Variants in KCNMA1 observed in about 807,000 individuals in gnomAD.
KCNMA1 encodes Calcium-activated potassium channel subunit alpha-1.
Under a neutral mutation model 140.0 loss-of-function variants are expected in KCNMA1, and 29 were observed. The ratio of observed to expected loss-of-function variants is 0.21; its 90% CI spans 0.15 to 0.28. KCNMA1 has a LOEUF of 0.28. KCNMA1 is among the 10% of genes least tolerant of loss of function. The pLI is 1.00. For synonymous variants in KCNMA1, 612 were observed against 611.9 expected, an observed-to-expected ratio of 1.00 and a Z score of 0.00; for missense variants, 880 against 1,602.2, an observed-to-expected ratio of 0.55 and a Z score of 7.70.
intron 1 of KCNMA1, among the ~76,000 whole-genome samples, chr10:77,472,085 C>A (rs1350031296): frequency 6.6e-6 from 1 of 150,684 alleles, no homozygotes; most frequent in Non-Finnish European, 1.5e-5. Flanking sequence ...ACACATACCA[C>A]ACACACACAC....
At chr10:77,577,362 T>G (rs1174855392) in intron 1 of KCNMA1, among the ~76,000 whole-genome samples, 1 of 152,134 alleles carries the variant, frequency 6.6e-6, no homozygotes, top group Non-Finnish European at 1.5e-5. Flanking sequence ...CTCTCTTAAC[T>G]GCCATGTAGT....
chr10:76,887,335 G>A lies in KCNMA1; in HGVS notation c.3642C>T (p.Asn1214=). Residue 1214 remains asparagine (N), a synonymous_variant, in exon 28 of 28, where the codon AAC becomes AAT. Coordinates refer to ENST00000286628, the MANE Select transcript of KCNMA1 (RefSeq NM_001161352.2). ...CCCTGGACTTGGGCCGGTTCTGTCG[G>A]TTTGCTGTGGATGGGATGGAGTGAA... ...SSVHSIPSTA[N]RQNRPKSRES... 1 of 1,614,136 alleles carries A rather than the reference G, an allele frequency of 6.2e-7. No individual in the cohort carries two copies. The highest frequency in any genetic ancestry group is 1.3e-5 in the African/African-American group (1 of 75,046).
At chr10:77,631,952 C>G (rs2093267223) in intron 1 of KCNMA1, among the ~76,000 whole-genome samples, 1 of 152,186 alleles carries the variant, frequency 6.6e-6, no homozygotes, top group African/African-American at 2.4e-5. Context: ...AAAAAAACCA[C>G]CCCATGAGGC....
Position 77,311,595 on chromosome 10 carries a change from T to A in KCNMA1, c.541-60339A>T, listed in dbSNP as rs114644608. On this transcript the variant is annotated intron_variant, in intron 2 of 27. Transcript: ENST00000286628. ...ACTTTGTTTTTATCATTTAAAAAAATAAATAAATAAAAAAGATCAAGAGAT... is the reference window on the plus strand; with the variant it reads ...ACTTTGTTTTTATCATTTAAAAAAAAAAATAAATAAAAAAGATCAAGAGAT... Among the ~76,000 whole-genome samples the A allele has an allele frequency of 6.5e-3, 992 of 152,130 alleles. 8 individuals carry two copies. The highest frequency in any genetic ancestry group is 0.022 in the African/African-American group (931 of 41,498).
chr10:76,897,519 T>C (rs1040897680), intron 25 of KCNMA1, among the ~76,000 whole-genome samples: 1 of 152,064 alleles, frequency 6.6e-6, no homozygotes, highest in African/African-American at 2.4e-5. Context: ...AAATTGCCAA[T>C]AATTTGTGAA....
At chr10:76,926,770 C>T (rs1014998784) in intron 23 of KCNMA1, among the ~76,000 whole-genome samples, 8 of 152,178 alleles carry the variant, frequency 5.3e-5, no homozygotes, top group Admixed American at 5.2e-4. Context: ...CAGGAGCCCT[C>T]TCTTCCAGAA....
At chr10:77,297,735 C>T (rs1341258539) in intron 2 of KCNMA1, among the ~76,000 whole-genome samples, 1 of 152,176 alleles carries the variant, frequency 6.6e-6, no homozygotes, top group Admixed American at 6.5e-5. Context: ...AGATCAAAAC[C>T]ACCTCCTTCT....
At chr10:77,258,266 G>A (rs2061233931) in intron 2 of KCNMA1, among the ~76,000 whole-genome samples, 1 of 152,178 alleles carries the variant, frequency 6.6e-6, no homozygotes. Context: ...CCCTAAATCT[G>A]TATGCAGGAG....
At chr10:76,890,254 T>C (rs1362327798) in intron 26 of KCNMA1, among the ~76,000 whole-genome samples, 1 of 152,190 alleles carries the variant, frequency 6.6e-6, no homozygotes, top group Non-Finnish European at 1.5e-5. Flanking sequence ...ATGCATCCAC[T>C]TGGAAATGCT....
chr10:77,368,112 C>T (rs894693811), intron 2 of KCNMA1, among the ~76,000 whole-genome samples: 1 of 152,166 alleles, frequency 6.6e-6, no homozygotes. Flanking sequence ...TATAAGAAAA[C>T]TTCTAAACTG....
At chr10:77,338,590 A>G (rs1435674491) in intron 2 of KCNMA1, among the ~76,000 whole-genome samples, 1 of 152,120 alleles carries the variant, frequency 6.6e-6, no homozygotes, top group Non-Finnish European at 1.5e-5. Context: ...CATCTCCTCC[A>G]GGGAGGACCA....
chr10:77,168,658 A>C (rs1051361196), intron 5 of KCNMA1, among the ~76,000 whole-genome samples: 2 of 152,208 alleles, frequency 1.3e-5, no homozygotes. Flanking sequence ...TGTACATAGC[A>C]GCTATAATAA....
At chr10:77,212,365 C>T (rs962705392) in intron 3 of KCNMA1, among the ~76,000 whole-genome samples, 4 of 152,144 alleles carry the variant, frequency 2.6e-5, no homozygotes, top group African/African-American at 9.7e-5. Context: ...CCAAACACTG[C>T]GTGTTCTCAC....
intron 1 of KCNMA1, among the ~76,000 whole-genome samples, chr10:77,587,337 C>T (rs1429995289): frequency 6.6e-6 from 1 of 152,138 alleles, no homozygotes; most frequent in Non-Finnish European, 1.5e-5. Flanking sequence ...GGCAGTATAA[C>T]TCAGTAGGCG....
intron 1 of KCNMA1, among the ~76,000 whole-genome samples, chr10:77,423,935 A>G (rs530361553): frequency 1.3e-5 from 2 of 152,166 alleles, no homozygotes; most frequent in Admixed American, 6.5e-5. Flanking sequence ...TCCATGAACA[A>G]TATGTTAGCC....
intron 17 of KCNMA1, chr10:77,012,570 A>G (rs537211170): frequency 6.5e-7 from 1 of 1,548,530 alleles, no homozygotes; most frequent in African/African-American, 1.4e-5. Context: ...GCAGAGAGGG[A>G]AAAACGAAAG....
intron 3 of KCNMA1, among the ~76,000 whole-genome samples, chr10:77,198,779 T>C (rs1366724596): frequency 6.6e-6 from 1 of 152,062 alleles, no homozygotes; most frequent in Non-Finnish European, 1.5e-5. Context: ...CTCTGGTACA[T>C]TGAACACAAC....
intron 2 of KCNMA1, among the ~76,000 whole-genome samples, chr10:77,309,846 C>G (rs1023859118): frequency 2.6e-5 from 4 of 152,162 alleles, no homozygotes; most frequent in Non-Finnish European, 4.4e-5. Flanking sequence ...CACAGCCTCT[C>G]TGGTCTCAGT....
chr10:77,242,046 T>C (rs1418679159), intron 3 of KCNMA1, among the ~76,000 whole-genome samples: 1 of 152,062 alleles, frequency 6.6e-6, no homozygotes, highest in Non-Finnish European at 1.5e-5. Context: ...CACAAGCTCA[T>C]TTTACTGCAG....
Sources: allele counts gnomAD v4.1 joint callset (sites outside exome capture counted in the v4.1 genomes callset), GRCh38; gene constraint gnomAD v4.1.1; transcripts MANE v1.5; gene names NCBI Gene and HGNC (gene_info 2026-07-23, HGNC 2026-07-21).